Variants in CTNNA3 observed in about 807,000 individuals in gnomAD.
CTNNA3 encodes catenin alpha-3.
Under a neutral mutation model 95.7 loss-of-function variants are expected in CTNNA3, and 76 were observed. The ratio of observed to expected loss-of-function variants is 0.79; its 90% CI spans 0.66 to 0.96. CTNNA3 has a LOEUF of 0.96. CTNNA3 is among the 40% of genes least tolerant of loss of function. The pLI, the probability that CTNNA3 is intolerant of heterozygous loss-of-function variation, is 0.00. For missense variants in CTNNA3, 1,191 were observed against 1,089.8 expected, an observed-to-expected ratio of 1.09 and a Z score of -1.31; for synonymous variants, 431 against 374.4, an observed-to-expected ratio of 1.15 and a Z score of -1.74.
chr10:66,541,340 T>C (rs1279555894), intron 10 of CTNNA3, among the ~76,000 whole-genome samples: 1 of 152,184 alleles, frequency 6.6e-6, no homozygotes, highest in East Asian at 1.9e-4. Context: ...GTTTTCATTC[T>C]GCACTTTCTC....
chr10:67,506,572 C>A (rs1462325875), intron 5 of CTNNA3, among the ~76,000 whole-genome samples: 1 of 152,212 alleles, frequency 6.6e-6, no homozygotes, highest in Non-Finnish European at 1.5e-5. Context: ...TAAAGCTCTG[C>A]TGTAAGCTGA....
At chr10:67,219,948 TG>T in intron 5 of CTNNA3, 78 bp from the exon 6 acceptor site, 2 of 1,187,188 alleles carry the variant, frequency 1.7e-6, no homozygotes, top group Non-Finnish European at 1.2e-6. Flanking sequence ...CTTCTTTTTT[TG>T]TAAGTATAAA....
intron 12 of CTNNA3, among the ~76,000 whole-genome samples, chr10:66,334,056 A>G (rs1336616890): frequency 3.3e-5 from 5 of 151,236 alleles, no homozygotes; most frequent in South Asian, 2.1e-4. Flanking sequence ...TGCAACCCCT[A>G]CCTTTTTTTG....
At chr10:66,431,241 A>C (rs897593284) in intron 11 of CTNNA3, among the ~76,000 whole-genome samples, 1 of 152,174 alleles carries the variant, frequency 6.6e-6, no homozygotes, top group African/African-American at 2.4e-5. Flanking sequence ...AAAAGTCAGG[A>C]AACAACAGGA....
chr10:67,220,239 T>C (rs921775160), intron 5 of CTNNA3, among the ~76,000 whole-genome samples: 4 of 152,218 alleles, frequency 2.6e-5, no homozygotes, highest in Non-Finnish European at 5.9e-5. Flanking sequence ...CCTCATTCCA[T>C]AGATGTTGAT....
intron 16 of CTNNA3, among the ~76,000 whole-genome samples, chr10:65,978,095 C>G (rs2078242907): frequency 6.6e-6 from 1 of 151,950 alleles, no homozygotes; most frequent in South Asian, 2.1e-4. Flanking sequence ...CTGACTCTAT[C>G]AAGTCCCTCA....
chr10:67,204,837 G>A (rs1251082014), intron 6 of CTNNA3, among the ~76,000 whole-genome samples: 1 of 152,146 alleles, frequency 6.6e-6, no homozygotes, highest in Admixed American at 6.6e-5. Context: ...GGATAGTTTG[G>A]TGGGACAAGG....
chr10:66,199,789 A>G (rs1417078796), intron 13 of CTNNA3, among the ~76,000 whole-genome samples: 4 of 11,156 alleles, frequency 3.6e-4, no homozygotes, highest in Non-Finnish European at 6.7e-4. Flanking sequence ...ATATATATAT[A>G]TATATATATA....
Position 66,770,344 on chromosome 10 carries a change from C to A in CTNNA3, c.1129-3928G>T, listed in dbSNP as rs116264962. ...TATTTTCCTGCCCAGTGGCACAATG[C>A]ATTCCTTTCAGTTGGGTGATATACA... On this transcript the variant is annotated intron_variant, in intron 8 of 17. Transcript: ENST00000433211. Among the ~76,000 whole-genome samples the A allele has an allele frequency of 7.7e-3, 1,168 of 152,276 alleles. 7 individuals are homozygous for A. Among genetic ancestry groups the A allele is most frequent in the African/African-American group, 0.024 (1,016 of 41,562 alleles).
intron 6 of CTNNA3, among the ~76,000 whole-genome samples, chr10:67,206,803 A>G (rs1427523699): frequency 2.0e-5 from 3 of 151,766 alleles, no homozygotes; most frequent in African/African-American, 4.9e-5. Flanking sequence ...CTGCGAAGTA[A>G]TTAAAGGGGA....
At chr10:66,797,066 G>A (rs1219936026) in intron 7 of CTNNA3, among the ~76,000 whole-genome samples, 1 of 150,264 alleles carries the variant, frequency 6.7e-6, no homozygotes, top group East Asian at 1.9e-4. Flanking sequence ...CAATAAGCAG[G>A]GCTTGTAAAT....
At position 66,834,412 on chromosome 10, in the gene CTNNA3, T is replaced by A. The variant is rs538294075; in HGVS notation, c.1048-58888A>T. Among the ~76,000 whole-genome samples the A allele has an allele frequency of 2.2e-4, 33 of 152,348 alleles. 1 individual carries two copies. The South Asian group carries it at 6.8e-3, about 32-fold the overall frequency. ...CAGGATTTTAGAATTGACAAAATACTTTCATAGATATCATTGTGATCCTCA... is the reference window on the plus strand; with the variant it reads ...CAGGATTTTAGAATTGACAAAATACATTCATAGATATCATTGTGATCCTCA... On this transcript the variant is annotated intron_variant, in intron 7 of 17. Coordinates refer to ENST00000433211, the MANE Select transcript of CTNNA3 (RefSeq NM_013266.4).
chr10:66,655,947 G>A (rs1466243509), intron 9 of CTNNA3, among the ~76,000 whole-genome samples: 3 of 152,084 alleles, frequency 2.0e-5, no homozygotes, highest in Non-Finnish European at 2.9e-5. Context: ...TATGGAAGAC[G>A]TGGCTCATAT....
rs375992799 is a variant in CTNNA3 at position 67,180,419 on chromosome 10, C to T, written c.945G>A (p.Ala315=). 4.7e-5 allele frequency: 76 copies of T among 1,613,644 alleles called. No homozygotes were observed. The highest frequency in any genetic ancestry group is 2.0e-4 in the Admixed American group (12 of 59,964). ...GTAAGTCCCTCGTACATGAAGAATCCGCCAGCAGAGCAGCCCCACTGATAA... is the reference window on the plus strand; with the variant it reads ...GTAAGTCCCTCGTACATGAAGAATCTGCCAGCAGAGCAGCCCCACTGATAA... ...EAIISGAALL[A]DSSCTRDLHR... is the part of the protein sequence containing the mutation. The change falls in exon 7 of 18, where the codon GCG becomes GCA. Residue 315 remains alanine, a synonymous_variant. Coordinates refer to ENST00000433211, the MANE Select transcript of CTNNA3 (RefSeq NM_013266.4).
At chr10:66,386,501 G>A (rs143592689) in intron 11 of CTNNA3, among the ~76,000 whole-genome samples, 10,439 of 152,106 alleles carry the variant, frequency 0.069, 571 homozygotes, top group East Asian at 0.23. Flanking sequence ...AATCAATATC[G>A]TGAAAATGGC....
chr10:66,558,695 T>C (rs1016164332), intron 10 of CTNNA3, among the ~76,000 whole-genome samples: 4 of 152,134 alleles, frequency 2.6e-5, no homozygotes, highest in African/African-American at 9.7e-5. Context: ...ATAAATATTT[T>C]AAATATATGA....
At chr10:66,678,317 CT>C (rs1168190703) in intron 9 of CTNNA3, among the ~76,000 whole-genome samples, 1 of 152,136 alleles carries the variant, frequency 6.6e-6, no homozygotes, top group African/African-American at 2.4e-5. Context: ...AGCCTTTCCC[CT>C]ATTCCCTACC....
intron 12 of CTNNA3, among the ~76,000 whole-genome samples, chr10:66,289,536 T>C (rs2091644840): frequency 6.6e-6 from 1 of 151,838 alleles, no homozygotes; most frequent in Non-Finnish European, 1.5e-5. Context: ...AGAAATTGAT[T>C]GTAAACTTTT....
rs144895633 is a variant in CTNNA3, at chr10:67,195,946, A to T, written c.844-15426T>A. ...CCTATTCTCCAAAGTGAAATTGCCTATCAAATGAGATGCAGCTACAATTAT... is the reference window on the plus strand; with the variant it reads ...CCTATTCTCCAAAGTGAAATTGCCTTTCAAATGAGATGCAGCTACAATTAT... On this transcript the variant is annotated intron_variant, in intron 6 of 17. Coordinates refer to ENST00000433211, the MANE Select transcript of CTNNA3 (RefSeq NM_013266.4). Among the ~76,000 whole-genome samples, 240 of 152,094 alleles carry T rather than the reference A, an allele frequency of 1.6e-3. 3 individuals carry two copies. Among genetic ancestry groups the T allele is most frequent in the African/African-American group, 5.6e-3 (231 of 41,454 alleles).
Sources: gnomAD v4.1 joint callset for allele counts (sites outside exome capture counted in the v4.1 genomes callset) on GRCh38, gnomAD v4.1.1 for gene constraint, MANE v1.5 for transcripts, NCBI Gene and HGNC (gene_info 2026-07-23, HGNC 2026-07-21) for gene names.